ASCC1: variants seen among roughly 807,000 people sequenced by gnomAD.
The protein encoded by ASCC1 is activating signal cointegrator 1 complex subunit 1, also known as ASC-1 complex subunit P50.
Under a neutral mutation model 46.6 loss-of-function variants are expected in ASCC1, and 35 were observed. That is an observed-to-expected ratio of 0.75 (90% confidence interval 0.57 to 0.99). ASCC1 has a LOEUF of 0.99. Among genes scored for constraint, ASCC1 ranks in the 50% least tolerant of loss-of-function variants. ASCC1 has a pLI of 0.00. For missense variants in ASCC1, 376 were observed against 428.7 expected, an observed-to-expected ratio of 0.88 and a Z score of 1.09; for synonymous variants, 143 against 146.6, an observed-to-expected ratio of 0.98 and a Z score of 0.18.
intron 7 of ASCC1, among the ~76,000 whole-genome samples, chr10:72,134,674 C>CT (rs1288104896): frequency 6.6e-6 from 1 of 152,216 alleles, no homozygotes; most frequent in Non-Finnish European, 1.5e-5. Flanking sequence ...ACCTTCACTT[C>CT]TTTGACTCCC....
At chr10:72,157,255 T>C (rs1849096597) in intron 6 of ASCC1, among the ~76,000 whole-genome samples, 2 of 152,216 alleles carry the variant, frequency 1.3e-5, no homozygotes, top group Admixed American at 1.3e-4. Flanking sequence ...ATACACAATG[T>C]ATCTTCATTC....
intron 5 of ASCC1, among the ~76,000 whole-genome samples, chr10:72,164,425 T>G (rs1358140011): frequency 6.6e-6 from 1 of 152,222 alleles, no homozygotes; most frequent in Non-Finnish European, 1.5e-5. Context: ...TCATTTACCA[T>G]GATGTTTTCA....
intron 5 of ASCC1, among the ~76,000 whole-genome samples, chr10:72,167,942 G>A (rs1850573306): frequency 6.6e-6 from 1 of 152,156 alleles, no homozygotes; most frequent in Admixed American, 6.6e-5. Flanking sequence ...TGTAATCCCA[G>A]CACTTTGGGA....
chr10:72,143,650 T>C (rs1405065811), intron 7 of ASCC1, among the ~76,000 whole-genome samples: 1 of 148,962 alleles, frequency 6.7e-6, no homozygotes, highest in Non-Finnish European at 1.5e-5. Flanking sequence ...TTTCTACTGT[T>C]CCATGTGCCT....
rs149859846 is a variant in ASCC1 at position 72,194,892 on chromosome 10, G to A, written c.489+1919C>T. ...CAAGTAGCTAGGATTACAGATATGC[G>A]CCACCAGGCCCGGATAATTTTGTAT... On this transcript the variant is annotated intron_variant, in intron 5 of 9. Transcript: ENST00000672957. 1.0e-3 allele frequency among the ~76,000 whole-genome samples: 159 copies of A among 151,874 alleles called. 3 individuals carry two copies. Among genetic ancestry groups the A allele is most frequent in the African/African-American group, 3.2e-3 (131 of 41,416 alleles).
chr10:72,192,454 CAAA>C (rs770758322), intron 5 of ASCC1, among the ~76,000 whole-genome samples: 6 of 109,334 alleles, frequency 5.5e-5, no homozygotes, highest in Non-Finnish European at 8.1e-5. Context: ...GACTCCGTCT[CAAA>C]AAAAAAAAAA....
chr10:72,203,315 C>T (rs1187605715), intron 4 of ASCC1, 112 bp downstream of exon 4: 4 of 837,590 alleles, frequency 4.8e-6, no homozygotes, highest in Non-Finnish European at 8.0e-6. Flanking sequence ...AAGAAAAAGC[C>T]CATAGCTAGA....
At chr10:72,134,283 AATTAG>A (rs1845935190) in intron 7 of ASCC1, 1 of 151,922 alleles carries the variant, frequency 6.6e-6, no homozygotes, top group Non-Finnish European at 1.5e-5. Context: ...AAATTTTTTA[AATTAG>A]CTGGGCATGG....
chr10:72,145,026 C>T (rs193271554), intron 7 of ASCC1, among the ~76,000 whole-genome samples: 86 of 152,138 alleles, frequency 5.7e-4, no homozygotes, highest in Non-Finnish European at 1.1e-3. Context: ...TTATTTCATA[C>T]CTTTGTTGTT....
Position 72,213,332 on chromosome 10 carries a change from C to T in ASCC1, c.-33-1G>A, listed in dbSNP as rs866100490. 2 of 1,454,002 alleles carry T rather than the reference C, an allele frequency of 1.4e-6. No homozygotes were observed. Among genetic ancestry groups the T allele is most frequent in the African/African-American group, 2.8e-5 (2 of 71,640 alleles). 90.1% of individuals were successfully genotyped at this position (1,454,002 alleles called of 1,614,324 possible). A position where few individuals can be genotyped will look rare whatever the true frequency, so the allele number is the denominator to read the frequency against. ...CTCCAAATGATATTCCAATTATGCC[C>T]TGAAAAATATAATTACCATCTTACC... On this transcript the variant is annotated splice_acceptor_variant, in intron 1 of 9. Coordinates refer to ENST00000672957, the MANE Select transcript of ASCC1 (RefSeq NM_001198800.3). LOFTEE classifies it low-confidence loss of function (5UTR_SPLICE).
chr10:72,195,126 T>G (rs1342757460), intron 5 of ASCC1, among the ~76,000 whole-genome samples: 2 of 147,308 alleles, frequency 1.4e-5, no homozygotes, highest in Non-Finnish European at 3.0e-5. Flanking sequence ...AGGTTTTGTG[T>G]GTTTTTTGCT....
chr10:72,137,035 C>T (rs1213877057), intron 7 of ASCC1, among the ~76,000 whole-genome samples: 1 of 152,078 alleles, frequency 6.6e-6, no homozygotes, highest in Non-Finnish European at 1.5e-5. Flanking sequence ...CAAGAACCCA[C>T]CGGAAGGAAC....
At chr10:72,182,620 A>G (rs1389109846) in intron 5 of ASCC1, among the ~76,000 whole-genome samples, 1 of 152,224 alleles carries the variant, frequency 6.6e-6, no homozygotes, top group Non-Finnish European at 1.5e-5. Flanking sequence ...TTTTCAATTA[A>G]GTCAATAATA....
At chr10:72,172,072 G>T (rs112616910) in intron 5 of ASCC1, among the ~76,000 whole-genome samples, 1 of 152,122 alleles carries the variant, frequency 6.6e-6, no homozygotes, top group Non-Finnish European at 1.5e-5. Flanking sequence ...GTTCTGTATC[G>T]TCTTCTGATG....
At chr10:72,145,654 CCT>C (rs1847540654) in intron 7 of ASCC1, among the ~76,000 whole-genome samples, 1 of 152,158 alleles carries the variant, frequency 6.6e-6, no homozygotes, top group African/African-American at 2.4e-5. Context: ...TAATAGTTTC[CCT>C]CTGTTAGAGA....
At chr10:72,102,482 G>A (rs1841889171) in intron 9 of ASCC1, 1 of 1,268,420 alleles carries the variant, frequency 7.9e-7, no homozygotes, top group Non-Finnish European at 1.1e-6. Flanking sequence ...TTATTGAGTT[G>A]TAGTTCTTTT....
chr10:72,204,400 T>C lies in ASCC1; in HGVS notation c.213-876A>G, dbSNP rs573894095. The C allele has an allele frequency of 5.8e-6, 9 of 1,550,350 alleles. No individual in the cohort carries two copies. In the East Asian group the frequency reaches 7.3e-5, roughly 13 times the overall value. On this transcript the variant is annotated intron_variant, in intron 3 of 9. Transcript: ENST00000672957. ...CCATCACTCCCACTTAAATCACTTA[T>C]TGACTCATTTACATTACTTGCCTGG...
intron 4 of ASCC1, among the ~76,000 whole-genome samples, chr10:72,199,622 G>C (rs1056261413): frequency 6.6e-6 from 1 of 151,950 alleles, no homozygotes; most frequent in South Asian, 2.1e-4. Flanking sequence ...TTTTAGCAGA[G>C]ACGGGATTTC....
chr10:72,140,366 C>G (rs1846817001), intron 7 of ASCC1, among the ~76,000 whole-genome samples: 1 of 151,882 alleles, frequency 6.6e-6, no homozygotes, highest in Non-Finnish European at 1.5e-5. Context: ...GGAGATAAAG[C>G]TGAAGTATTA....
Sources: allele counts gnomAD v4.1 joint callset (sites outside exome capture counted in the v4.1 genomes callset), GRCh38; gene constraint gnomAD v4.1.1; transcripts MANE v1.5; gene names NCBI Gene and HGNC (gene_info 2026-07-23, HGNC 2026-07-21).